The following BEND3 variants were observed in gnomAD, a reference collection of about 807,000 sequenced individuals.
BEND3 encodes BEN domain-containing protein 3.
BEND3 carries 13 observed loss-of-function variants against 60.1 expected under a neutral mutation model. The ratio of observed to expected loss-of-function variants is 0.22; its 90% CI spans 0.14 to 0.34. The LOEUF (loss-of-function observed/expected upper bound fraction) is 0.34, where lower values mean the gene tolerates loss of function less well. BEND3 is among the 10% of genes least tolerant of loss of function. The probability of loss-of-function intolerance (pLI) is 1.00; values close to 1 mark genes in which losing one functional copy is unlikely to be tolerated. For missense variants in BEND3, 896 were observed against 1,138.1 expected, an observed-to-expected ratio of 0.79 and a Z score of 3.06; for synonymous variants, 497 against 491.5, an observed-to-expected ratio of 1.01 and a Z score of -0.15.
At chr6:107,073,533 G>C (rs147516103) in intron 3 of BEND3, among the ~76,000 whole-genome samples, 3 of 151,956 alleles carry the variant, frequency 2.0e-5, no homozygotes, top group African/African-American at 4.8e-5. Context: ...GTACAGAAGA[G>C]GTCAATGAAT....
At position 107,115,168 on chromosome 6, in the gene BEND3, G is replaced by T. The variant is rs1458048015; in HGVS notation, c.-90C>A. On this transcript the variant is annotated 5_prime_UTR_variant, in exon 1 of 4. Transcript: ENST00000369042. Reference sequence around the variant, plus strand: ...CACGTGGGGGGGAGGGCGCGGGGCCGGGGAGTGGGGGCCGCGCGCGGAGGG... The same window carrying T: ...CACGTGGGGGGGAGGGCGCGGGGCCTGGGAGTGGGGGCCGCGCGCGGAGGG... 6.7e-6 allele frequency: 1 copy of T among 150,354 alleles called. No homozygotes were observed. The highest frequency in any genetic ancestry group is 2.4e-5 in the African/African-American group (1 of 41,240). 9.3% of individuals were successfully genotyped at this position (150,354 alleles called of 1,614,324 possible).
intron 3 of BEND3, among the ~76,000 whole-genome samples, chr6:107,072,784 G>A (rs1453477308): frequency 2.0e-5 from 3 of 151,992 alleles, no homozygotes; most frequent in South Asian, 2.1e-4. Context: ...CAGAAGTTCC[G>A]CCAGCCTGGG....
chr6:107,082,194 C>G (rs1404920125), intron 3 of BEND3, among the ~76,000 whole-genome samples: 2 of 152,184 alleles, frequency 1.3e-5, no homozygotes, highest in Non-Finnish European at 2.9e-5. Flanking sequence ...CTTGACAAGC[C>G]TGCCCTCTCT....
At chr6:107,096,972 G>C (rs1248568894) in intron 3 of BEND3, among the ~76,000 whole-genome samples, 1 of 151,558 alleles carries the variant, frequency 6.6e-6, no homozygotes, top group East Asian at 2.0e-4. Flanking sequence ...GCGACAGAGC[G>C]AGACCCTGTC....
chr6:107,114,189 A>G (rs1006275178), intron 1 of BEND3: 7 of 152,292 alleles, frequency 4.6e-5, no homozygotes, highest in African/African-American at 1.7e-4. Flanking sequence ...TGCACAGCTC[A>G]CGGATGAGGC....
At chr6:107,084,905 C>A (rs1775309336) in intron 3 of BEND3, among the ~76,000 whole-genome samples, 2 of 152,236 alleles carry the variant, frequency 1.3e-5, no homozygotes, top group African/African-American at 4.8e-5. Flanking sequence ...AAGCTGGCCA[C>A]CCAAGCCAGC....
intron 3 of BEND3, among the ~76,000 whole-genome samples, chr6:107,093,417 C>A (rs1447624888): frequency 2.0e-5 from 3 of 151,080 alleles, no homozygotes; most frequent in Non-Finnish European, 4.4e-5. Context: ...GCCAAGATCG[C>A]GCCACTGCAC....
At chr6:107,097,227 C>T (rs555727620) in intron 3 of BEND3, among the ~76,000 whole-genome samples, 13 of 151,354 alleles carry the variant, frequency 8.6e-5, no homozygotes, top group Non-Finnish European at 1.8e-4. Flanking sequence ...ATTAGCCGGG[C>T]GTGGTGGCAC....
At chr6:107,113,347 A>C (rs370096363) in intron 1 of BEND3, among the ~76,000 whole-genome samples, 3 of 150,592 alleles carry the variant, frequency 2.0e-5, no homozygotes, top group African/African-American at 7.3e-5. Flanking sequence ...CTGAGGCAGG[A>C]AAATCGCTTG....
Position 107,070,583 on chromosome 6 carries a change from A to T in BEND3, c.608T>A (p.Leu203Gln). The T allele has an allele frequency of 6.2e-7, 1 of 1,612,638 alleles. No individual in the cohort carries two copies. The highest frequency in any genetic ancestry group is 8.5e-7 in the Non-Finnish European group (1 of 1,180,006). The change falls in exon 4 of 4, where the codon CTG becomes CAG. Residue 203 changes from leucine (L) to glutamine (Q), a missense_variant. Physicochemically the swap from Leu to Gln is moderately radical, Grantham distance 113 (BLOSUM62 -2). Coordinates refer to ENST00000369042, the MANE Select transcript of BEND3 (RefSeq NM_001367314.1). This position sits in a 1 kb window ranked among gnomAD's most constrained non-coding sequence, Gnocchi z 6.9. ...YFLIQKMFYM[L>Q]NTLTSNMSQL... The stretch of plus-strand genomic sequence containing the variant: ...GGACATGTTGGACGTGAGGGTGTTC[A>T]GCATGTAGAACATCTTCTGGATCAG...
chr6:107,076,259 A>G (rs1332560060), intron 3 of BEND3, among the ~76,000 whole-genome samples: 1 of 152,170 alleles, frequency 6.6e-6, no homozygotes, highest in East Asian at 1.9e-4. Context: ...AGAAATCTTT[A>G]AATCTGTGCT....
At chr6:107,115,031 C>T (rs1409405593) in intron 1 of BEND3, 59 bp downstream of exon 1, 7 of 148,738 alleles carry the variant, frequency 4.7e-5, no homozygotes, top group African/African-American at 9.8e-5. Context: ...CGGCCGCTCG[C>T]CCCGGAGCCG....
Position 107,083,338 on chromosome 6 carries a change from G to A in BEND3, c.241-12388C>T, listed in dbSNP as rs142191663. The stretch of plus-strand genomic sequence containing the variant: ...AATTATTCGTTTATTAAAAATTATC[G>A]GCCAGGCACGGTGGCTCATGCCTGT... On this transcript the variant is annotated intron_variant, in intron 3 of 3. Coordinates refer to ENST00000369042, the MANE Select transcript of BEND3 (RefSeq NM_001367314.1). Among the ~76,000 whole-genome samples, 440 of 152,202 alleles carry A rather than the reference G, an allele frequency of 2.9e-3. 8 individuals are homozygous for A. In the East Asian group the frequency reaches 0.032, roughly 11 times the overall value.
chr6:107,109,393 A>C (rs1490448733), intron 1 of BEND3, among the ~76,000 whole-genome samples: 6 of 128,306 alleles, frequency 4.7e-5, no homozygotes, highest in Non-Finnish European at 9.5e-5. Context: ...CAATGAGCTG[A>C]GATAGTGCCG....
At chr6:107,096,820 C>T (rs1554236004) in intron 3 of BEND3, among the ~76,000 whole-genome samples, 3 of 152,008 alleles carry the variant, frequency 2.0e-5, no homozygotes, top group South Asian at 4.1e-4. Flanking sequence ...TAGGGCTGAG[C>T]GCGGTGACTC....
chr6:107,087,922 C>T (rs1343852746), intron 3 of BEND3, among the ~76,000 whole-genome samples: 2 of 141,598 alleles, frequency 1.4e-5, no homozygotes, highest in Admixed American at 7.3e-5. Context: ...TGAGTCACCA[C>T]ACTTGACCTG....
chr6:107,078,120 C>T (rs538218013), intron 3 of BEND3, among the ~76,000 whole-genome samples: 3 of 152,312 alleles, frequency 2.0e-5, no homozygotes, highest in South Asian at 2.1e-4. Flanking sequence ...CTTTACACAG[C>T]CCTTTGTTAG....
intron 1 of BEND3, among the ~76,000 whole-genome samples, chr6:107,111,225 T>C (rs1318534977): frequency 2.0e-5 from 3 of 152,066 alleles, no homozygotes; most frequent in South Asian, 2.1e-4. Flanking sequence ...AGATAACACA[T>C]GTAGGCTAGG....
At chr6:107,079,138 G>A (rs187386801) in intron 3 of BEND3, among the ~76,000 whole-genome samples, 75 of 152,278 alleles carry the variant, frequency 4.9e-4, no homozygotes, top group Middle Eastern at 6.8e-3. Context: ...GGTGGATGTC[G>A]AGAGGATGTC....
Sources: gnomAD v4.1 joint callset for allele counts (sites outside exome capture counted in the v4.1 genomes callset) on GRCh38, gnomAD v4.1.1 for gene constraint, Gnocchi (gnomAD v3.1) non-coding constraint, MANE v1.5 for transcripts, NCBI Gene and HGNC (gene_info 2026-07-23, HGNC 2026-07-21) for gene names.